FARS2: variants seen among roughly 807,000 people sequenced by gnomAD.
FARS2 encodes the protein phenylalanine--tRNA ligase, mitochondrial.
A neutral mutation model predicts 46.4 loss-of-function variants in FARS2; 40 were observed. The ratio of observed to expected loss-of-function variants is 0.86; its 90% CI spans 0.67 to 1.12. FARS2 has a LOEUF of 1.12. Ranked by LOEUF, FARS2 falls within the 50% of genes most tolerant of loss-of-function variation. The pLI, the probability that FARS2 is intolerant of heterozygous loss-of-function variation, is 0.00. For missense variants in FARS2, 513 were observed against 567.9 expected (o/e 0.90, Z 0.98); for synonymous variants, 234 against 214.9 (o/e 1.09, Z -0.78).
intron 5 of FARS2, chr6:5,609,729 C>T (rs1339189734): frequency 2.0e-6 from 3 of 1,506,944 alleles, no homozygotes; most frequent in Non-Finnish European, 2.7e-6. Context: ...TCATGGTCGT[C>T]AAAAGTTACA....
chr6:5,551,703 G>T (rs1173142073), intron 5 of FARS2, among the ~76,000 whole-genome samples: 2 of 152,172 alleles, frequency 1.3e-5, no homozygotes, highest in Non-Finnish European at 1.5e-5. Flanking sequence ...TAAAGTAAAG[G>T]TGTCAGCAGG....
At chr6:5,350,169 ATT>A (rs57211565) in intron 1 of FARS2, among the ~76,000 whole-genome samples, 30,388 of 131,020 alleles carry the variant, frequency 0.23, 2,597 homozygotes, top group East Asian at 0.44. Context: ...TGCCTGGCAA[ATT>A]TTTTTTTTTT....
chr6:5,521,304 C>T (rs563219019), intron 4 of FARS2, among the ~76,000 whole-genome samples: 75 of 150,568 alleles, frequency 5.0e-4, no homozygotes, highest in African/African-American at 1.8e-3. Flanking sequence ...TTCAGAATAC[C>T]AGTTGGCAGT....
At chr6:5,514,089 C>CATAT (rs57189455) in intron 4 of FARS2, among the ~76,000 whole-genome samples, 3,092 of 147,060 alleles carry the variant, frequency 0.021, 51 homozygotes, top group African/African-American at 0.028. Context: ...AAAATCTGGA[C>CATAT]ATATATATAT....
intron 6 of FARS2, among the ~76,000 whole-genome samples, chr6:5,619,105 A>G (rs1036580050): frequency 6.6e-6 from 1 of 152,168 alleles, no homozygotes; most frequent in Admixed American, 6.5e-5. Flanking sequence ...TCCCAGGGGA[A>G]CTTAGCCATT....
chr6:5,386,950 G>A (rs935643743), intron 2 of FARS2, among the ~76,000 whole-genome samples: 2 of 152,152 alleles, frequency 1.3e-5, no homozygotes, highest in Non-Finnish European at 2.9e-5. Context: ...TTCATCTAGG[G>A]GAAGGTACGC....
At chr6:5,296,164 C>T (rs1289021640) in intron 1 of FARS2, among the ~76,000 whole-genome samples, 4 of 75,176 alleles carry the variant, frequency 5.3e-5, no homozygotes, top group Non-Finnish European at 8.9e-5. Context: ...TTTTTTGAGA[C>T]GAAGTCTAGC....
chr6:5,298,888 CA>C (rs1357538724), intron 1 of FARS2, among the ~76,000 whole-genome samples: 5 of 136,004 alleles, frequency 3.7e-5, no homozygotes, highest in Non-Finnish European at 8.0e-5. Flanking sequence ...AAAAAAGATA[CA>C]AAAATGTCTT....
At chr6:5,440,024 A>G (rs1042991169) in intron 4 of FARS2, among the ~76,000 whole-genome samples, 6 of 152,138 alleles carry the variant, frequency 3.9e-5, no homozygotes, top group African/African-American at 1.4e-4. Context: ...CTGTTCAAAT[A>G]TTTACTTAGC....
intron 4 of FARS2, among the ~76,000 whole-genome samples, chr6:5,454,340 T>C (rs1764698570): frequency 6.6e-6 from 1 of 151,988 alleles, no homozygotes; most frequent in Admixed American, 6.5e-5. Context: ...TTTTTTAAAA[T>C]TTATTTATTT....
At chr6:5,730,384 G>C (rs1243682060) in intron 6 of FARS2, among the ~76,000 whole-genome samples, 1 of 152,218 alleles carries the variant, frequency 6.6e-6, no homozygotes, top group African/African-American at 2.4e-5. Flanking sequence ...GGGAGGAAGA[G>C]AGATGCTGCT....
intron 1 of FARS2, among the ~76,000 whole-genome samples, chr6:5,357,755 T>G (rs1758030835): frequency 6.6e-6 from 1 of 152,132 alleles, no homozygotes; most frequent in Non-Finnish European, 1.5e-5. Context: ...CAGGTAGGAG[T>G]CAGGTGAACC....
chr6:5,710,992 G>C (rs1375622465), intron 6 of FARS2, among the ~76,000 whole-genome samples: 1 of 152,178 alleles, frequency 6.6e-6, no homozygotes, highest in African/African-American at 2.4e-5. Flanking sequence ...AAGTCTACAA[G>C]TCTTCTTGGA....
At chr6:5,693,873 G>A (rs1216406249) in intron 6 of FARS2, among the ~76,000 whole-genome samples, 2 of 152,196 alleles carry the variant, frequency 1.3e-5, no homozygotes, top group African/African-American at 4.8e-5. Flanking sequence ...TTATATGGTA[G>A]CAAGTGTGCA....
chr6:5,602,231 G>A (rs1362160274), intron 5 of FARS2, among the ~76,000 whole-genome samples: 1 of 152,166 alleles, frequency 6.6e-6, no homozygotes, highest in Non-Finnish European at 1.5e-5. Flanking sequence ...TGAAATAAGG[G>A]TGCTGCAGTA....
At chr6:5,635,495 AAG>A (rs1403495254) in intron 6 of FARS2, among the ~76,000 whole-genome samples, 2 of 152,204 alleles carry the variant, frequency 1.3e-5, no homozygotes, top group Non-Finnish European at 2.9e-5. Context: ...AGATCTGAAA[AAG>A]AAATTTTTTT....
chr6:5,738,116 A>G (rs1165400893), intron 6 of FARS2, among the ~76,000 whole-genome samples: 1 of 152,088 alleles, frequency 6.6e-6, no homozygotes, highest in African/African-American at 2.4e-5. Flanking sequence ...ACGCCCAGCT[A>G]ATTTTTTAAT....
intron 6 of FARS2, among the ~76,000 whole-genome samples, chr6:5,731,852 C>G (rs1760643209): frequency 6.6e-6 from 1 of 152,186 alleles, no homozygotes; most frequent in African/African-American, 2.4e-5. Context: ...GGACCCTTCC[C>G]CCTCTCAGTG....
At position 5,270,898 on chromosome 6, in the gene FARS2, G is replaced by T. The variant is rs909035118; in HGVS notation, c.-22+9238G>T. On this transcript the variant is annotated intron_variant, in intron 1 of 6. Transcript: ENST00000274680. ...TGCCTGGAGTGCCCTTCCTTCCCTTGCTAATTATTCTTCTGATCTCAGTTT... is the reference window on the plus strand; with the variant it reads ...TGCCTGGAGTGCCCTTCCTTCCCTTTCTAATTATTCTTCTGATCTCAGTTT... Among the ~76,000 whole-genome samples the T allele has an allele frequency of 2.5e-4, 38 of 152,110 alleles. 1 individual carries two copies. The highest frequency in any genetic ancestry group is 7.2e-4 in the Admixed American group (11 of 15,278).
Sources: gnomAD v4.1 joint callset for allele counts (sites outside exome capture counted in the v4.1 genomes callset) on GRCh38, gnomAD v4.1.1 for gene constraint, MANE v1.5 for transcripts, NCBI Gene and HGNC (gene_info 2026-07-23, HGNC 2026-07-21) for gene names.